The following LCA5L variants were observed in gnomAD, a reference collection of about 807,000 sequenced individuals.
The protein encoded by LCA5L is lebercilin-like protein.
Under a neutral mutation model 45.4 loss-of-function variants are expected in LCA5L, and 35 were observed. The observed-to-expected ratio is 0.77, with a 90% confidence interval of 0.59 to 1.02. The LOEUF (loss-of-function observed/expected upper bound fraction) is 1.02. Among genes scored for constraint, LCA5L ranks in the 50% least tolerant of loss-of-function variants. LCA5L has a pLI of 0.00. For missense variants in LCA5L, 668 were observed against 761.6 expected (o/e 0.88, Z 1.45); for synonymous variants, 233 against 264.7 (o/e 0.88, Z 1.16).
chr21:39,438,570 C>T (rs1219425030), intron 2 of LCA5L: 2 of 152,092 alleles, frequency 1.3e-5, no homozygotes, highest in Non-Finnish European at 2.9e-5. Flanking sequence ...TTTGCAGAGA[C>T]CTCTTAAAAT....
chr21:39,436,726 C>A (rs1292993024), intron 2 of LCA5L, among the ~76,000 whole-genome samples: 1 of 152,130 alleles, frequency 6.6e-6, no homozygotes, highest in Non-Finnish European at 1.5e-5. Flanking sequence ...AGTGATCCAC[C>A]TGCCTTGGCC....
At chr21:39,422,930 T>TA (rs1390503183) in intron 6 of LCA5L, 46 bp downstream of exon 6, 4 of 1,565,194 alleles carry the variant, frequency 2.6e-6, no homozygotes, top group Non-Finnish European at 2.6e-6. Flanking sequence ...ACCCTCTCTC[T>TA]ATTAACTTTG....
At chr21:39,422,051 T>C (rs902215904) in intron 6 of LCA5L, 6 of 152,130 alleles carry the variant, frequency 3.9e-5, no homozygotes, top group African/African-American at 1.2e-4. Context: ...AGAGTGAAAA[T>C]TGAGGTTGCT....
At chr21:39,421,260 C>G (rs12481787) in intron 6 of LCA5L, among the ~76,000 whole-genome samples, 1,810 of 152,220 alleles carry the variant, frequency 0.012, 13 homozygotes, top group Non-Finnish European at 0.017. Flanking sequence ...CACCACCATG[C>G]CTGGATAATT....
intron 4 of LCA5L, 75 bp from the exon 5 acceptor site, chr21:39,428,578 T>TATATATATATATATATATATATATATA (rs2075179434): frequency 1.7e-5 from 1 of 58,042 alleles, no homozygotes. Context: ...ATGCTTTATT[T>TATATATATATATATATATATATATATA]TATATATATA....
intron 10 of LCA5L, chr21:39,407,709 CTG>C (rs1252107781): frequency 1.3e-5 from 2 of 152,262 alleles, no homozygotes; most frequent in East Asian, 1.9e-4. Flanking sequence ...TTGCTTCCTC[CTG>C]TCTCCCTAAT....
intron 7 of LCA5L, among the ~76,000 whole-genome samples, chr21:39,414,908 G>T (rs1222231324): frequency 6.6e-6 from 1 of 151,950 alleles, no homozygotes; most frequent in African/African-American, 2.4e-5. Flanking sequence ...CTGGTATTCT[G>T]GATTATTTTA....
At chr21:39,417,804 C>T (rs8132466) in intron 7 of LCA5L, among the ~76,000 whole-genome samples, 52,718 of 151,760 alleles carry the variant, frequency 0.35, 12,359 homozygotes, top group African/African-American at 0.67. Context: ...CTCGCTCTGT[C>T]GCCCAGGCTG....
Position 39,442,619 on chromosome 21 carries a change from G to A in LCA5L, c.-246+1516C>T, listed in dbSNP as rs376277277. 2.2e-4 allele frequency among the ~76,000 whole-genome samples: 33 copies of A among 152,242 alleles called. No individual in the cohort carries two copies. In the East Asian group the frequency reaches 4.6e-3, roughly 21 times the overall value. ...ATGCCCAGGAGACAACCTCACCTGG[G>A]CTTAAGGATTCACTGGGTGTTGGGG... On this transcript the variant is annotated intron_variant, in intron 2 of 10. Transcript: ENST00000288350.
intron 5 of LCA5L, 98 bp downstream of exon 5, chr21:39,428,074 A>G (rs2075074214): frequency 1.4e-6 from 1 of 698,164 alleles, no homozygotes; most frequent in Non-Finnish European, 2.5e-6. Flanking sequence ...ATATGGGAAA[A>G]CAATAAAACT....
At chr21:39,416,403 A>G (rs2041160398) in intron 7 of LCA5L, among the ~76,000 whole-genome samples, 1 of 152,338 alleles carries the variant, frequency 6.6e-6, no homozygotes, top group South Asian at 2.1e-4. Context: ...TCCTTTTGAT[A>G]CTACCCTAAT....
intron 6 of LCA5L, 90 bp from the exon 7 acceptor site, chr21:39,420,933 G>C: frequency 1.0e-6 from 1 of 979,256 alleles, no homozygotes; most frequent in Non-Finnish European, 1.5e-6. Context: ...TTTATGAAAA[G>C]TGCACATTTT....
chr21:39,439,967 G>C (rs1019034411), intron 2 of LCA5L, among the ~76,000 whole-genome samples: 1 of 152,208 alleles, frequency 6.6e-6, no homozygotes, highest in Non-Finnish European at 1.5e-5. Context: ...TGTTGGATTA[G>C]AATGAGAAAT....
chr21:39,420,866 C>T (rs765294580), intron 6 of LCA5L, 23 bp from the exon 7 acceptor site: 1 of 1,572,564 alleles, frequency 6.4e-7, no homozygotes, highest in South Asian at 1.1e-5. Flanking sequence ...TATATTATAA[C>T]TATTCTGCAA....
intron 2 of LCA5L, chr21:39,443,389 TATACCTGAC>T (rs1241900618): frequency 6.6e-6 from 1 of 152,292 alleles, no homozygotes; most frequent in East Asian, 1.9e-4. Context: ...AGAGGGAATG[TATACCTGAC>T]AGGGTAGAGT....
At chr21:39,415,953 T>C (rs1316472931) in intron 7 of LCA5L, among the ~76,000 whole-genome samples, 2 of 152,166 alleles carry the variant, frequency 1.3e-5, no homozygotes, top group African/African-American at 4.8e-5. Context: ...GAGTAGGTGG[T>C]GGTGTGTACC....
chr21:39,437,010 C>T (rs2076355670), intron 2 of LCA5L, among the ~76,000 whole-genome samples: 1 of 152,168 alleles, frequency 6.6e-6, no homozygotes, highest in South Asian at 2.1e-4. Flanking sequence ...TGCATTCTGG[C>T]TCCTTTGTCT....
intron 2 of LCA5L, 77 bp from the exon 3 acceptor site, chr21:39,435,650 A>G (rs546941335): frequency 2.8e-4 from 43 of 152,330 alleles, no homozygotes; most frequent in African/African-American, 1.0e-3. Flanking sequence ...AAGGTTTTGA[A>G]GCAGTTTTAA....
At chr21:39,414,742 C>CTCTCTCTCTG (rs1341489035) in intron 7 of LCA5L, among the ~76,000 whole-genome samples, 5 of 99,180 alleles carry the variant, frequency 5.0e-5, no homozygotes, top group African/African-American at 1.8e-4. Flanking sequence ...CTCTCTCTCT[C>CTCTCTCTCTG]TGTGTGTGTG....
Sources: allele counts gnomAD v4.1 joint callset (sites outside exome capture counted in the v4.1 genomes callset), GRCh38; gene constraint gnomAD v4.1.1; transcripts MANE v1.5; gene names NCBI Gene and HGNC (gene_info 2026-07-23, HGNC 2026-07-21).